The following NBAS variants were observed in gnomAD, a reference collection of about 807,000 sequenced individuals.
NBAS encodes the protein NBAS subunit of NRZ tethering complex, also known as NAG/BC035112 fusion.
NBAS carries 219 observed loss-of-function variants against 302.5 expected under a neutral mutation model. The ratio of observed to expected loss-of-function variants is 0.72; its 90% confidence interval spans 0.65 to 0.81. The LOEUF (loss-of-function observed/expected upper bound fraction) is 0.81. NBAS is among the 30% of genes least tolerant of loss of function. NBAS has a pLI of 0.00. For synonymous variants in NBAS, 1,118 were observed against 1,021.6 expected (o/e 1.09, Z -1.80); for missense variants, 2,932 against 2,841.6 (o/e 1.03, Z -0.72).
chr2:15,024,195 C>T, the NBAS span, among the ~76,000 whole-genome samples: 1 of 145,410 alleles, frequency 6.9e-6, no homozygotes, highest in African/African-American at 2.6e-5. Flanking sequence ...CATTATTTAG[C>T]TCCCACTTAT....
intron 51 of NBAS, among the ~76,000 whole-genome samples, chr2:15,167,874 C>A (rs1322424700): frequency 6.6e-6 from 1 of 152,006 alleles, no homozygotes; most frequent in African/African-American, 2.4e-5. Flanking sequence ...ACAAGAAAAC[C>A]TTTTTTGTAC....
chr2:15,396,285 C>T, intron 27 of NBAS, 128 bp downstream of exon 27: 1 of 699,948 alleles, frequency 1.4e-6, no homozygotes, highest in Non-Finnish European at 2.4e-6. Flanking sequence ...AAAATTCACT[C>T]CCAAGACAAT....
At chr2:15,230,176 CA>C (rs1667322088) in intron 47 of NBAS, among the ~76,000 whole-genome samples, 1 of 152,082 alleles carries the variant, frequency 6.6e-6, no homozygotes, top group Admixed American at 6.5e-5. Context: ...AATAACTTGA[CA>C]GCATTACTTT....
Position 15,476,861 on chromosome 2 carries a change from T to C in NBAS, c.1148-981A>G, listed in dbSNP as rs4567903. ...ATATGATGTGGTTTAAAGGTAAAAG[T>C]AAACCATAAATTTAACAACATATTT... On this transcript the variant is annotated intron_variant, in intron 13 of 51. Transcript: ENST00000281513. Among the ~76,000 whole-genome samples, 1,250 of 152,312 alleles carry C rather than the reference T, an allele frequency of 8.2e-3. 18 individuals are homozygous for C. Among genetic ancestry groups the C allele is most frequent in the East Asian group, 0.059 (305 of 5,190 alleles).
In NBAS at chr2:15,511,203, C is replaced by A; in HGVS notation, c.885+9G>T. 1 of 1,614,014 alleles carries A rather than the reference C, an allele frequency of 6.2e-7. No homozygotes were observed. Among genetic ancestry groups the A allele is most frequent in the Non-Finnish European group, 8.5e-7 (1 of 1,179,940 alleles). On this transcript the variant is annotated intron_variant, in intron 10 of 51. Coordinates refer to ENST00000281513, the MANE Select transcript of NBAS (RefSeq NM_015909.4). ...CATAGCAAAGTGAAGTGCCATAACT[C>A]ATACTTACTGCAGTAACCCCGTCTC...
chr2:15,167,899 A>G (rs543010756), intron 51 of NBAS, among the ~76,000 whole-genome samples: 13 of 152,314 alleles, frequency 8.5e-5, no homozygotes, highest in African/African-American at 3.1e-4. Flanking sequence ...TTGAGAGAAG[A>G]GTATGTCCCT....
At chr2:15,131,196 T>A in the NBAS span, among the ~76,000 whole-genome samples, 7 of 152,162 alleles carry the variant, frequency 4.6e-5, no homozygotes, top group African/African-American at 1.2e-4. Context: ...ATATAAATTT[T>A]AAAAAAATTT....
intron 11 of NBAS, among the ~76,000 whole-genome samples, chr2:15,499,554 C>T (rs931102897): frequency 2.6e-5 from 4 of 151,970 alleles, no homozygotes; most frequent in Non-Finnish European, 4.4e-5. Flanking sequence ...TAAGTAGGAG[C>T]TAAATGATGA....
chr2:15,039,639 A>G, the NBAS span, among the ~76,000 whole-genome samples: 1 of 152,202 alleles, frequency 6.6e-6, no homozygotes, highest in Non-Finnish European at 1.5e-5. Context: ...CATGACTTTA[A>G]AACAAATCCT....
the NBAS span, among the ~76,000 whole-genome samples, chr2:15,099,630 C>T: frequency 6.6e-6 from 1 of 151,870 alleles, no homozygotes; most frequent in Admixed American, 6.6e-5. Context: ...CACAATGACC[C>T]TGGCACGCTC....
chr2:14,959,015 A>G, the NBAS span, among the ~76,000 whole-genome samples: 1 of 152,212 alleles, frequency 6.6e-6, no homozygotes, highest in Non-Finnish European at 1.5e-5. Context: ...ATTTAAGTTC[A>G]TGCCTTTGAG....
At chr2:15,173,855 T>C (rs1466802883) in intron 51 of NBAS, among the ~76,000 whole-genome samples, 1 of 152,248 alleles carries the variant, frequency 6.6e-6, no homozygotes, top group African/African-American at 2.4e-5. Context: ...TTCGTGTTAT[T>C]ATTTCACATG....
chr2:15,275,603 A>G lies in NBAS; in HGVS notation c.5605T>C (p.Ser1869Pro), dbSNP rs371358030. 1 of 1,614,188 alleles carries G rather than the reference A, an allele frequency of 6.2e-7. No individual in the cohort carries two copies. The highest frequency in any genetic ancestry group is 2.2e-5 in the East Asian group (1 of 44,878). Reference protein sequence around the residue: ...DPHLIKQVPGSSPEWLHAYDV... With the variant: ...DPHLIKQVPGPSPEWLHAYDV... ...TAGGCATGAAGCCACTCCGGTGAAG[A>G]GCCTGGGACTTGTTTAATGAGATGA... The change falls in exon 44 of 52, where the codon TCT becomes CCT. Residue 1869 changes from serine to proline, a missense_variant. Physicochemically the swap from Ser to Pro is moderately conservative, Grantham distance 74. Transcript: ENST00000281513.
At chr2:15,141,167 T>A in the NBAS span, among the ~76,000 whole-genome samples, 2 of 152,098 alleles carry the variant, frequency 1.3e-5, no homozygotes, top group African/African-American at 4.8e-5. Context: ...CCTTCTCTTT[T>A]TCCCCCTCTC....
intron 21 of NBAS, among the ~76,000 whole-genome samples, chr2:15,446,104 A>G (rs1678727306): frequency 1.3e-5 from 2 of 152,068 alleles, no homozygotes; most frequent in African/African-American, 2.4e-5. Flanking sequence ...AAGTGTGTGT[A>G]TTGGGAAGGA....
At chr2:15,097,741 C>T in the NBAS span, among the ~76,000 whole-genome samples, 7 of 150,952 alleles carry the variant, frequency 4.6e-5, no homozygotes, top group African/African-American at 1.5e-4. Context: ...CACCACCTAA[C>T]ACCATCATCC....
chr2:15,344,221 A>T (rs867406571), intron 35 of NBAS, among the ~76,000 whole-genome samples: 12 of 151,944 alleles, frequency 7.9e-5, no homozygotes, highest in African/African-American at 2.9e-4. Flanking sequence ...TGGCTTTAAT[A>T]AAAAAAATTC....
chr2:14,793,106 T>C, the NBAS span, among the ~76,000 whole-genome samples: 1,328 of 152,032 alleles, frequency 8.7e-3, 9 homozygotes, highest in Non-Finnish European at 0.013. Context: ...CTCTGCTATG[T>C]ATGAACAAAG....
the NBAS span, among the ~76,000 whole-genome samples, chr2:15,144,480 G>A: frequency 6.6e-6 from 1 of 152,196 alleles, no homozygotes; most frequent in Non-Finnish European, 1.5e-5. Context: ...TTCATAAAAT[G>A]TGTATTGAGC....
Sources: allele counts gnomAD v4.1 joint callset (sites outside exome capture counted in the v4.1 genomes callset), GRCh38; gene constraint gnomAD v4.1.1; transcripts MANE v1.5; gene names NCBI Gene and HGNC (gene_info 2026-07-23, HGNC 2026-07-21).